ATP8B1: variants seen among roughly 807,000 people sequenced by gnomAD.
The protein encoded by ATP8B1 is ATPase phospholipid transporting 8B1.
ATP8B1 carries 80 observed loss-of-function variants against 149.9 expected under a neutral mutation model. That is an observed-to-expected ratio of 0.53 (90% CI 0.45 to 0.64). The LOEUF (loss-of-function observed/expected upper bound fraction) is 0.64. ATP8B1 is among the 30% of genes least tolerant of loss of function. The pLI is 0.00. For synonymous variants in ATP8B1, 536 were observed against 562.8 expected (o/e 0.95, Z 0.67); for missense variants, 1,247 against 1,552.6 (o/e 0.80, Z 3.31).
chr18:57,693,600 T>C (rs1686421909), intron 11 of ATP8B1, among the ~76,000 whole-genome samples: 1 of 151,788 alleles, frequency 6.6e-6, no homozygotes, highest in Admixed American at 6.6e-5. Context: ...CCCAGCTACT[T>C]GGGAGGCTGA....
At chr18:57,744,754 A>C (rs537065373) in intron 1 of ATP8B1, among the ~76,000 whole-genome samples, 5 of 152,338 alleles carry the variant, frequency 3.3e-5, no homozygotes, top group Admixed American at 6.5e-5. Flanking sequence ...TAAGTCTGTC[A>C]AGCTGAATTA....
At chr18:57,670,873 A>AT (rs1911182133) in intron 17 of ATP8B1, among the ~76,000 whole-genome samples, 1 of 149,864 alleles carries the variant, frequency 6.7e-6, no homozygotes, top group Non-Finnish European at 1.5e-5. Context: ...CACCCAGTTA[A>AT]TTTTTTTGTA....
At chr18:57,692,425 A>ATTTTTTTTTTTTTTTTTTT (rs10547283) in intron 11 of ATP8B1, among the ~76,000 whole-genome samples, 1 of 57,038 alleles carries the variant, frequency 1.8e-5, no homozygotes, top group Admixed American at 2.5e-4. Flanking sequence ...TATTCAACAG[A>ATTTTTTTTTTTTTTTTTTT]TTTTTTTTTT....
intron 1 of ATP8B1, among the ~76,000 whole-genome samples, chr18:57,786,909 C>T (rs895419353): frequency 4.6e-5 from 7 of 152,120 alleles, no homozygotes; most frequent in Non-Finnish European, 5.9e-5. Flanking sequence ...ATCTTTTTTA[C>T]GTCTAGTAAG....
chr18:57,756,232 C>T (rs1568056193), intron 1 of ATP8B1, among the ~76,000 whole-genome samples: 11 of 104,342 alleles, frequency 1.1e-4, no homozygotes, highest in African/African-American at 3.6e-4. Context: ...CACACACACA[C>T]ACACATATAT....
intron 1 of ATP8B1, among the ~76,000 whole-genome samples, chr18:57,785,999 G>A (rs1032352951): frequency 1.1e-4 from 17 of 152,142 alleles, no homozygotes; most frequent in Admixed American, 9.8e-4. Flanking sequence ...TTGTTCAATG[G>A]CCTTCTCTCT....
At position 57,647,024 on chromosome 18, in the gene ATP8B1, G is replaced by A. The variant is rs1435257664; in HGVS notation, c.*1464C>T. On this transcript the variant is annotated 3_prime_UTR_variant, in exon 28 of 28. Coordinates refer to ENST00000648908, the MANE Select transcript of ATP8B1 (RefSeq NM_001374385.1). Reference sequence around the variant, plus strand: ...CACACCATTCCCCAGTCTTAGGAATGTGGCTGCCAATAACCTTTTCTCTCG... The same window carrying A: ...CACACCATTCCCCAGTCTTAGGAATATGGCTGCCAATAACCTTTTCTCTCG... The A allele has an allele frequency of 6.6e-6, 1 of 152,212 alleles. No homozygotes were observed. Among genetic ancestry groups the A allele is most frequent in the East Asian group, 1.9e-4 (1 of 5,208 alleles). 9.4% of individuals were successfully genotyped at this position (152,212 alleles called of 1,614,324 possible). A position where few individuals can be genotyped will look rare whatever the true frequency, so the allele number is the denominator to read the frequency against.
At chr18:57,771,708 A>G (rs2080264964) in intron 1 of ATP8B1, among the ~76,000 whole-genome samples, 1 of 152,204 alleles carries the variant, frequency 6.6e-6, no homozygotes, top group Non-Finnish European at 1.5e-5. Flanking sequence ...CAATGAGCTG[A>G]TCAGAACATA....
chr18:57,713,196 T>TTTCTTTCTTTCC (rs1913791192), intron 2 of ATP8B1, among the ~76,000 whole-genome samples: 43 of 89,958 alleles, frequency 4.8e-4, no homozygotes, highest in South Asian at 3.1e-3. Flanking sequence ...TCTTTCTTTC[T>TTTCTTTCTTTCC]TTCCTTCCTT....
At chr18:57,661,968 T>C (rs1487296405) in intron 21 of ATP8B1, among the ~76,000 whole-genome samples, 1 of 152,184 alleles carries the variant, frequency 6.6e-6, no homozygotes, top group Non-Finnish European at 1.5e-5. Context: ...TCTGCCCGCC[T>C]TGGCCTCCCA....
chr18:57,755,322 G>C (rs1291960498), intron 1 of ATP8B1: 1 of 151,882 alleles, frequency 6.6e-6, no homozygotes, highest in African/African-American at 2.4e-5. Flanking sequence ...ATTTGGGAAG[G>C]GAAAGATTAT....
At chr18:57,712,264 G>A (rs901317544) in intron 2 of ATP8B1, among the ~76,000 whole-genome samples, 1 of 152,064 alleles carries the variant, frequency 6.6e-6, no homozygotes, top group Non-Finnish European at 1.5e-5. Flanking sequence ...AAATAGTCTT[G>A]AATTGCCAAT....
chr18:57,771,863 A>G (rs1183413707), intron 1 of ATP8B1, among the ~76,000 whole-genome samples: 2 of 152,204 alleles, frequency 1.3e-5, no homozygotes, highest in African/African-American at 4.8e-5. Context: ...ACTCATGATA[A>G]ATACCTGGGA....
intron 1 of ATP8B1, among the ~76,000 whole-genome samples, chr18:57,757,844 A>C (rs28651604): frequency 0.079 from 11,977 of 152,246 alleles, 524 homozygotes; most frequent in Middle Eastern, 0.14. Flanking sequence ...AAGATGGAGC[A>C]TATCTCATAG....
chr18:57,732,229 ATATGTGTATATATATGTATATATG>A (rs2079784814), intron 1 of ATP8B1, among the ~76,000 whole-genome samples: 7 of 7,618 alleles, frequency 9.2e-4, no homozygotes, highest in Non-Finnish European at 2.7e-3. Flanking sequence ...ATATATGTAT[ATATGTGTATATATATGTATATATG>A]TATATATGTG....
intron 21 of ATP8B1, among the ~76,000 whole-genome samples, 184 bp downstream of exon 21, chr18:57,662,299 C>T (rs2122652170): frequency 6.6e-6 from 1 of 152,292 alleles, no homozygotes; most frequent in African/African-American, 2.4e-5. Context: ...CCACTTTTAC[C>T]TCTTTGGTAT....
chr18:57,749,789 C>T (rs969608847), intron 1 of ATP8B1, among the ~76,000 whole-genome samples: 7 of 152,208 alleles, frequency 4.6e-5, no homozygotes, highest in Non-Finnish European at 8.8e-5. Flanking sequence ...AGCTGTCCAT[C>T]AATAAATCAT....
chr18:57,780,457 T>C (rs1180089064), intron 1 of ATP8B1, among the ~76,000 whole-genome samples: 1 of 152,194 alleles, frequency 6.6e-6, no homozygotes, highest in Non-Finnish European at 1.5e-5. Flanking sequence ...AATTTCACAA[T>C]TAAAACTATG....
rs112423410 is a variant in ATP8B1, at chr18:57,744,882, A to G, written c.-25-13050T>C. Among the ~76,000 whole-genome samples the G allele has an allele frequency of 3.3e-3, 510 of 152,352 alleles. 6 individuals carry two copies. The highest frequency in any genetic ancestry group is 0.012 in the African/African-American group (486 of 41,584). On this transcript the variant is annotated intron_variant, in intron 1 of 27. Transcript: ENST00000648908. Reference sequence around the variant, plus strand: ...AAACTTTGAAACTTTTGATCTACAGAGAGACAACTTATATTCCCCATCCAG... The same window carrying G: ...AAACTTTGAAACTTTTGATCTACAGGGAGACAACTTATATTCCCCATCCAG...
Sources: gnomAD v4.1 joint callset for allele counts (sites outside exome capture counted in the v4.1 genomes callset) on GRCh38, gnomAD v4.1.1 for gene constraint, MANE v1.5 for transcripts, NCBI Gene and HGNC (gene_info 2026-07-23, HGNC 2026-07-21) for gene names.